Variants in HHLA2 observed in about 807,000 individuals in gnomAD.
HHLA2 encodes the protein HERV-H LTR-associating protein 2.
A neutral mutation model predicts 45.9 loss-of-function variants in HHLA2; 48 were observed. The ratio of observed to expected loss-of-function variants is 1.05; its 90% confidence interval spans 0.83 to 1.33. HHLA2 has a LOEUF of 1.33. HHLA2 is among the 40% of genes most tolerant of loss of function. HHLA2 has a pLI of 0.00. For synonymous variants in HHLA2, 161 were observed against 173.9 expected (o/e 0.93, Z 0.59); for missense variants, 462 against 494.3 (o/e 0.93, Z 0.62).
intron 2 of HHLA2, chr3:108,326,021 T>C: frequency 3.2e-6 from 1 of 310,118 alleles, no homozygotes; most frequent in East Asian, 9.0e-5. Flanking sequence ...AAAGCCCCTC[T>C]TCTTGCCACT....
At chr3:108,301,170 T>TGA (rs1458254854) in intron 1 of HHLA2, among the ~76,000 whole-genome samples, 1 of 152,180 alleles carries the variant, frequency 6.6e-6, no homozygotes, top group Admixed American at 6.6e-5. Flanking sequence ...TTTAGCGTTT[T>TGA]ATTTTATATG....
chr3:108,307,566 G>C (rs376120277), intron 1 of HHLA2, among the ~76,000 whole-genome samples: 1 of 151,896 alleles, frequency 6.6e-6, no homozygotes, highest in South Asian at 2.1e-4. Context: ...ACAAGAAGAC[G>C]GAGGTTGCAG....
chr3:108,366,015 T>C (rs1254288139), intron 8 of HHLA2, among the ~76,000 whole-genome samples: 1 of 152,208 alleles, frequency 6.6e-6, no homozygotes, highest in Non-Finnish European at 1.5e-5. Flanking sequence ...CTTCCAATAC[T>C]ATGTTGAACT....
chr3:108,353,647 C>A (rs1204783360), exon 5 of HHLA2: 3 of 1,613,710 alleles, frequency 1.9e-6, no homozygotes, highest in Non-Finnish European at 1.7e-6. Context: ...CATCCCTTTT[C>A]TATAATGAGA....
chr3:108,350,306 TTTC>T (rs2081753536), intron 3 of HHLA2, among the ~76,000 whole-genome samples: 1 of 152,206 alleles, frequency 6.6e-6, no homozygotes, highest in African/African-American at 2.4e-5. Flanking sequence ...TGCAAAAGTA[TTTC>T]TATATTTTGT....
At chr3:108,328,295 C>T (rs1374335363) in exon 3 of HHLA2, 16 of 1,527,364 alleles carry the variant, frequency 1.0e-5, no homozygotes, top group Non-Finnish European at 1.4e-5. Context: ...TAACCCTGCA[C>T]AGATTGTGAT....
chr3:108,308,096 A>G (rs1359318569), intron 1 of HHLA2, among the ~76,000 whole-genome samples: 2 of 152,180 alleles, frequency 1.3e-5, no homozygotes, highest in Non-Finnish European at 2.9e-5. Flanking sequence ...ACCACATAAT[A>G]GGTCTTATTG....
At chr3:108,346,270 G>C (rs1261180221) in intron 3 of HHLA2, among the ~76,000 whole-genome samples, 1 of 152,160 alleles carries the variant, frequency 6.6e-6, no homozygotes, top group African/African-American at 2.4e-5. Flanking sequence ...GAAACATCAG[G>C]AGAGATATTT....
intron 1 of HHLA2, among the ~76,000 whole-genome samples, chr3:108,296,997 G>C (rs2107266302): frequency 6.6e-6 from 1 of 152,292 alleles, no homozygotes; most frequent in Middle Eastern, 3.4e-3. Context: ...GCTGCTCCAA[G>C]ATGCACTGCG....
intron 3 of HHLA2, among the ~76,000 whole-genome samples, chr3:108,342,337 T>C (rs892318044): frequency 1.4e-5 from 2 of 146,912 alleles, no homozygotes; most frequent in African/African-American, 5.1e-5. Context: ...GCTCTCAGCT[T>C]ACTGCAACCT....
At chr3:108,363,430 A>G (rs1033603653) in intron 8 of HHLA2, among the ~76,000 whole-genome samples, 20 of 152,142 alleles carry the variant, frequency 1.3e-4, no homozygotes, top group African/African-American at 4.8e-4. Context: ...GATAGATCCT[A>G]TGTCTCTTTT....
chr3:108,302,624 C>CTTTA (rs915646161), intron 1 of HHLA2: 2 of 152,208 alleles, frequency 1.3e-5, no homozygotes, highest in Middle Eastern at 3.2e-3. Flanking sequence ...GCTACATGGA[C>CTTTA]TTTAGCAAAT....
Position 108,371,833 on chromosome 3 carries a change from T to G in HHLA2, c.1109-3917T>G, listed in dbSNP as rs200733651. 6.4e-4 allele frequency among the ~76,000 whole-genome samples: 97 copies of G among 152,286 alleles called. 3 individuals are homozygous for G. In the East Asian group the frequency reaches 0.015, roughly 24 times the overall value. On this transcript the variant is annotated intron_variant, in intron 8 of 10. Coordinates refer to ENST00000619531, the Ensembl canonical transcript of HHLA2. ...GCACCCAGATTCATAAAGCAAGTCC[T>G]TAGTGACCTACAAAGAGACTTAGAC...
intron 2 of HHLA2, among the ~76,000 whole-genome samples, chr3:108,322,421 T>G (rs1340932217): frequency 6.6e-6 from 1 of 152,066 alleles, no homozygotes; most frequent in African/African-American, 2.4e-5. Context: ...ATCTAGGGGG[T>G]TTAACTTCTT....
chr3:108,355,280 T>C, exon 6 of HHLA2: 1 of 1,613,904 alleles, frequency 6.2e-7, no homozygotes, highest in Non-Finnish European at 8.5e-7. Context: ...TCTTTTTCTA[T>C]TAACAGCCCA....
intron 1 of HHLA2, among the ~76,000 whole-genome samples, chr3:108,301,870 CCGAGTGACT>C (rs2080855799): frequency 6.6e-6 from 1 of 152,202 alleles, no homozygotes; most frequent in East Asian, 1.9e-4. Flanking sequence ...TTGGTTTCAT[CCGAGTGACT>C]CGAGTGACTC....
chr3:108,297,504 C>G (rs953777263), intron 1 of HHLA2, among the ~76,000 whole-genome samples: 1 of 152,174 alleles, frequency 6.6e-6, no homozygotes, highest in Non-Finnish European at 1.5e-5. Flanking sequence ...GTTTCCTAAT[C>G]TGTAAAATGG....
intron 3 of HHLA2, among the ~76,000 whole-genome samples, chr3:108,351,372 G>A (rs889207946): frequency 2.6e-5 from 4 of 152,176 alleles, no homozygotes; most frequent in South Asian, 2.1e-4. Context: ...ATGTGTCCAT[G>A]TAGAAAGCTT....
chr3:108,360,056 C>T (rs2081961637), intron 7 of HHLA2, among the ~76,000 whole-genome samples: 1 of 152,084 alleles, frequency 6.6e-6, no homozygotes, highest in African/African-American at 2.4e-5. Flanking sequence ...CACAGCCTCT[C>T]CAGTAATTTT....
Sources: allele counts gnomAD v4.1 joint callset (sites outside exome capture counted in the v4.1 genomes callset), GRCh38; gene constraint gnomAD v4.1.1; transcripts MANE v1.5; gene names NCBI Gene and HGNC (gene_info 2026-07-23, HGNC 2026-07-21).